TRHDE: variants seen among roughly 807,000 people sequenced by gnomAD.
TRHDE encodes thyrotropin releasing hormone degrading enzyme.
Under a neutral mutation model 125.7 loss-of-function variants are expected in TRHDE, and 72 were observed. That is an observed-to-expected ratio of 0.57 (90% CI 0.47 to 0.70). The LOEUF is 0.70. TRHDE is among the 30% of genes least tolerant of loss of function. The pLI is 0.00. For missense variants in TRHDE, 1,110 were observed against 1,327.1 expected (o/e 0.84, Z 2.54); for synonymous variants, 509 against 509.1 (o/e 1.00, Z 0.00).
chr12:72,106,608 A>G (rs921618683), intron 2 of TRHDE, among the ~76,000 whole-genome samples: 1 of 152,154 alleles, frequency 6.6e-6, no homozygotes, highest in Non-Finnish European at 1.5e-5. Context: ...GATCCCTCAG[A>G]GATCTTTTAC....
At chr12:72,508,214 G>A (rs943041302) in intron 6 of TRHDE, among the ~76,000 whole-genome samples, 1 of 152,182 alleles carries the variant, frequency 6.6e-6, no homozygotes, top group Non-Finnish European at 1.5e-5. Context: ...GCCAAGTGGG[G>A]CTGTGAGAAG....
At chr12:72,156,755 GA>G (rs1340936437) in intron 2 of TRHDE, among the ~76,000 whole-genome samples, 1 of 152,130 alleles carries the variant, frequency 6.6e-6, no homozygotes, top group Non-Finnish European at 1.5e-5. Flanking sequence ...AGAAACAAGG[GA>G]AACATTTATT....
chr12:72,470,976 A>G (rs1876618916), intron 4 of TRHDE, among the ~76,000 whole-genome samples: 1 of 140,444 alleles, frequency 7.1e-6, no homozygotes, highest in Non-Finnish European at 1.5e-5. Flanking sequence ...TCCCAGGTTC[A>G]AGTGATTCTC....
intron 2 of TRHDE, among the ~76,000 whole-genome samples, chr12:72,238,295 T>C (rs868333984): frequency 6.5e-5 from 2 of 30,970 alleles, no homozygotes; most frequent in African/African-American, 1.1e-4. Flanking sequence ...TATATATATA[T>C]ATATATATAT....
chr12:72,206,561 G>GTCC (rs754185527), intron 2 of TRHDE, among the ~76,000 whole-genome samples: 4 of 152,244 alleles, frequency 2.6e-5, no homozygotes, highest in East Asian at 1.9e-4. Context: ...GGTTATCTAT[G>GTCC]TCCTGTTGGT....
At chr12:72,475,271 T>G (rs1876838612) in intron 5 of TRHDE, among the ~76,000 whole-genome samples, 1 of 152,204 alleles carries the variant, frequency 6.6e-6, no homozygotes, top group South Asian at 2.1e-4. Flanking sequence ...CATTTAATTT[T>G]TATTATACTG....
At chr12:72,646,003 A>T (rs1874264733) in intron 15 of TRHDE, among the ~76,000 whole-genome samples, 1 of 152,140 alleles carries the variant, frequency 6.6e-6, no homozygotes, top group Admixed American at 6.6e-5. Flanking sequence ...AAGGATGCTA[A>T]ACAGCAACAA....
chr12:72,196,576 T>A (rs995414689), intron 2 of TRHDE, among the ~76,000 whole-genome samples: 3 of 152,136 alleles, frequency 2.0e-5, no homozygotes, highest in Admixed American at 2.0e-4. Flanking sequence ...GTTCATAGAA[T>A]GAACTCTTAA....
intron 3 of TRHDE, among the ~76,000 whole-genome samples, chr12:72,447,274 C>A (rs1875339170): frequency 6.6e-6 from 1 of 152,024 alleles, no homozygotes; most frequent in South Asian, 2.1e-4. Context: ...CTACTGGGTA[C>A]ATAACGAAAT....
At chr12:72,334,856 C>T (rs969274154) in intron 2 of TRHDE, among the ~76,000 whole-genome samples, 11 of 151,002 alleles carry the variant, frequency 7.3e-5, no homozygotes, top group Admixed American at 7.2e-4. Flanking sequence ...AGTCCTTCAT[C>T]CCCGGGTCAC....
At chr12:72,533,696 TCTC>T (rs1479643545) in intron 6 of TRHDE, among the ~76,000 whole-genome samples, 1 of 150,998 alleles carries the variant, frequency 6.6e-6, no homozygotes, top group African/African-American at 2.4e-5. Context: ...TTTTTCATCT[TCTC>T]AACCATTTCT....
intron 2 of TRHDE, among the ~76,000 whole-genome samples, chr12:72,218,729 A>G (rs1052896426): frequency 2.0e-5 from 3 of 152,016 alleles, no homozygotes; most frequent in Non-Finnish European, 4.4e-5. Context: ...CTGCCTTCAC[A>G]TGGCCTTCCC....
intron 12 of TRHDE, among the ~76,000 whole-genome samples, chr12:72,614,329 TA>T (rs1464837808): frequency 0.05 from 1,291 of 25,674 alleles, 22 homozygotes; most frequent in African/African-American, 0.12. Flanking sequence ...TATATATATA[TA>T]TTTTTTTTTT....
intron 2 of TRHDE, among the ~76,000 whole-genome samples, chr12:72,182,825 C>A (rs1877121759): frequency 6.6e-6 from 1 of 152,058 alleles, no homozygotes; most frequent in African/African-American, 2.4e-5. Context: ...ACTTCCTTCC[C>A]AATACTCTTG....
chr12:72,089,346 A>G (rs1268133591), intron 1 of TRHDE, among the ~76,000 whole-genome samples: 1 of 152,072 alleles, frequency 6.6e-6, no homozygotes, highest in Non-Finnish European at 1.5e-5. Context: ...TTTTAACACT[A>G]TACATTGGAT....
intron 3 of TRHDE, among the ~76,000 whole-genome samples, chr12:72,383,370 ATTTTTTT>A (rs552559387): frequency 3.9e-4 from 39 of 100,954 alleles, no homozygotes; most frequent in Admixed American, 3.5e-3. Flanking sequence ...AACCCATTTA[ATTTTTTT>A]TTTTTTTTTT....
Position 72,273,309 on chromosome 12 carries a change from C to A in TRHDE, c.666C>A (p.Thr222=). ...TGGAGATCGCGTGCCGGAACGCCAC[C>A]CGCTACGTAGTGCTGCACGCTTCCC... ...VNVEIACRNA[T]RYVVLHASRV... The change falls in exon 1 of 19, where the codon ACC becomes ACA. Residue 222 remains threonine, a synonymous_variant. Coordinates refer to ENST00000261180, the MANE Select transcript of TRHDE (RefSeq NM_013381.3). This position sits in a 1 kb window ranked among gnomAD's most constrained non-coding sequence, Gnocchi z 5.3. The A allele has an allele frequency of 6.2e-7, 1 of 1,613,752 alleles. No individual in the cohort carries two copies. Among genetic ancestry groups the A allele is most frequent in the Admixed American group, 1.7e-5 (1 of 60,002 alleles).
At chr12:72,641,828 AATGAC>A (rs1427986742) in intron 15 of TRHDE, among the ~76,000 whole-genome samples, 11 of 152,218 alleles carry the variant, frequency 7.2e-5, no homozygotes, top group Non-Finnish European at 1.2e-4. Flanking sequence ...TTTATGAATG[AATGAC>A]ATATTTTTCA....
chr12:72,478,755 A>G (rs527643769), intron 5 of TRHDE, among the ~76,000 whole-genome samples: 1 of 152,206 alleles, frequency 6.6e-6, no homozygotes, highest in East Asian at 1.9e-4. Context: ...TACACTGAGT[A>G]TATGCTTGAG....
Sources: allele counts gnomAD v4.1 joint callset (sites outside exome capture counted in the v4.1 genomes callset), GRCh38; gene constraint gnomAD v4.1.1; non-coding constraint Gnocchi (gnomAD v3.1); transcripts MANE v1.5; gene names NCBI Gene and HGNC (gene_info 2026-07-23, HGNC 2026-07-21).